BTBD8: variants seen among roughly 807,000 people sequenced by gnomAD.
BTBD8 encodes BTB domain containing 8, also known as BTB/POZ domain-containing protein 8.
In BTBD8, 110 loss-of-function variants were observed where a neutral mutation model predicts 162.9. The ratio of observed to expected loss-of-function variants is 0.68; its 90% CI spans 0.58 to 0.79. BTBD8 has a LOEUF of 0.79. Ranked by LOEUF, BTBD8 falls within the 30% of genes least tolerant of loss-of-function variation. The probability of loss-of-function intolerance (pLI) is 0.00; values close to 1 mark genes in which losing one functional copy is unlikely to be tolerated. For missense variants in BTBD8, 1,905 were observed against 2,085.4 expected (o/e 0.91, Z 1.68); for synonymous variants, 667 against 716.1 (o/e 0.93, Z 1.10).
intron 1 of BTBD8, among the ~76,000 whole-genome samples, chr1:92,087,649 T>C (rs1443769833): frequency 6.6e-6 from 1 of 152,150 alleles, no homozygotes; most frequent in African/African-American, 2.4e-5. Flanking sequence ...AATGATGCAA[T>C]GACAGAAATG....
At chr1:92,090,879 C>G (rs1206648972) in intron 2 of BTBD8, among the ~76,000 whole-genome samples, 1 of 152,168 alleles carries the variant, frequency 6.6e-6, no homozygotes, top group Non-Finnish European at 1.5e-5. Context: ...TTGCAGTGAG[C>G]TGAGATTGTG....
rs936816371 is a variant in BTBD8 at position 92,184,277 on chromosome 1, G to A, written c.5326G>A (p.Asp1776Asn). The A allele has an allele frequency of 4.5e-6, 7 of 1,551,430 alleles. No homozygotes were observed. Among genetic ancestry groups the A allele is most frequent in the Admixed American group, 3.9e-5 (2 of 50,982 alleles). Residue 1776 changes from aspartate (D) to asparagine (N), a missense_variant, in exon 18 of 18, where the codon GAT becomes AAT. Transcript: ENST00000636805. ...CACCATGGCTAGTTTTTCCTCTGAA[G>A]ATTGTTCGCCTCAAGGCGAGTGGAC... is the stretch of plus-strand genomic sequence containing the variant. ...SITMASFSSE[D>N]CSPQGEWTIL...
intron 1 of BTBD8, among the ~76,000 whole-genome samples, chr1:92,085,607 G>A (rs753530200): frequency 2.6e-5 from 4 of 152,140 alleles, no homozygotes; most frequent in African/African-American, 4.8e-5. Flanking sequence ...GTGCACACCT[G>A]TACTCCCAGC....
intron 7 of BTBD8, among the ~76,000 whole-genome samples, chr1:92,145,056 C>A (rs138922176): frequency 0.026 from 3,953 of 152,128 alleles, 75 homozygotes; most frequent in Non-Finnish European, 0.029. Context: ...AGCTGCCTCC[C>A]AGGTTCAAGT....
chr1:92,141,113 A>C lies in BTBD8; in HGVS notation c.834-2A>C. 6.5e-7 allele frequency: 1 copy of C among 1,543,940 alleles called. No individual in the cohort carries two copies. Among genetic ancestry groups the C allele is most frequent in the Non-Finnish European group, 8.7e-7 (1 of 1,148,336 alleles). On this transcript the variant is annotated splice_acceptor_variant, in intron 6 of 17. Transcript: ENST00000636805. LOFTEE classifies it high-confidence loss of function. The stretch of plus-strand genomic sequence containing the variant: ...TTAACAGTGCATCTATTTTTATTTT[A>C]GTCAGATACTCAATATGGCTGATAT...
At chr1:92,126,129 G>A (rs1649352845) in intron 4 of BTBD8, 11 of 493,360 alleles carry the variant, frequency 2.2e-5, no homozygotes, top group Non-Finnish European at 3.6e-5. Context: ...TACGGTAGCT[G>A]ATACATGGGA....
At chr1:92,161,689 G>T (rs1053463749) in intron 9 of BTBD8, among the ~76,000 whole-genome samples, 1 of 152,164 alleles carries the variant, frequency 6.6e-6, no homozygotes, top group Non-Finnish European at 1.5e-5. Context: ...CTTTCAGAAT[G>T]ATGAAAATAA....
chr1:92,081,490 A>G (rs768340943), intron 1 of BTBD8, among the ~76,000 whole-genome samples: 7 of 152,256 alleles, frequency 4.6e-5, no homozygotes, highest in Non-Finnish European at 7.3e-5. Flanking sequence ...CAAGGCCCCA[A>G]GTGATGCTAA....
rs1483297209 is a variant in BTBD8, at chr1:92,182,068, C to G, written c.4385C>G (p.Ser1462Cys). ...GAAGTCCATACTCCCTTTCAGGCTTCTGTAGATTCTTTTTCACCTTCTGAT... is the reference window on the plus strand; with the variant it reads ...GAAGTCCATACTCCCTTTCAGGCTTGTGTAGATTCTTTTTCACCTTCTGAT... ...EGEVHTPFQA[S>C]VDSFSPSDVF... Residue 1462 changes from serine to cysteine, a missense_variant, in exon 17 of 18, where the codon TCT (serine) becomes TGT (cysteine). By Grantham distance (112) the Ser-to-Cys change is moderately radical. This residue lies in a region of BTBD8 where 517 missense variants were observed against 606.6 expected (regional missense o/e 0.85). Coordinates refer to ENST00000636805, the MANE Select transcript of BTBD8 (RefSeq NM_001376131.1). The G allele has an allele frequency of 1.3e-6, 2 of 1,551,436 alleles. No individual in the cohort carries two copies. The highest frequency in any genetic ancestry group is 1.7e-6 in the Non-Finnish European group (2 of 1,146,946).
At chr1:92,082,056 A>C (rs1648033416) in intron 1 of BTBD8, among the ~76,000 whole-genome samples, 1 of 152,216 alleles carries the variant, frequency 6.6e-6, no homozygotes, top group Non-Finnish European at 1.5e-5. Context: ...ATAATACTAA[A>C]GTTGTTAACG....
intron 5 of BTBD8, among the ~76,000 whole-genome samples, chr1:92,135,753 T>C (rs886267878): frequency 6.6e-6 from 1 of 152,208 alleles, no homozygotes; most frequent in Non-Finnish European, 1.5e-5. Flanking sequence ...TATATTGATA[T>C]ATAGGTTCAA....
At chr1:92,151,352 CAAA>C (rs11406119) in intron 9 of BTBD8, among the ~76,000 whole-genome samples, 4 of 127,950 alleles carry the variant, frequency 3.1e-5, no homozygotes, top group Admixed American at 7.9e-5. Flanking sequence ...GAAACTGTCT[CAAA>C]AAAAAAAAAA....
In BTBD8 at chr1:92,141,180, T is replaced by G. The variant is rs754585139; in HGVS notation, c.899T>G (p.Leu300Ter). 1.3e-6 allele frequency: 2 copies of G among 1,585,414 alleles called. No homozygotes were observed. The highest frequency in any genetic ancestry group is 1.7e-6 in the Non-Finnish European group (2 of 1,163,352). The change falls in exon 7 of 18, where the codon TTA becomes TGA. Residue 300 changes from leucine (L) to a stop codon, truncating the protein, a stop_gained. Transcript: ENST00000636805. LOFTEE classifies it high-confidence loss of function. ...EGLKEVAIYI[L>*]RRDYCNFFQK... ...TTAAAAGAAGTAGCAATCTATATTT[T>G]AAGAAGAGATTACTGTAATTTCTTT...
At chr1:92,122,374 T>C (rs1237270942) in intron 4 of BTBD8, among the ~76,000 whole-genome samples, 1 of 151,204 alleles carries the variant, frequency 6.6e-6, no homozygotes, top group African/African-American at 2.4e-5. Flanking sequence ...TTCTCCTGCC[T>C]CAGCCTCCTG....
intron 7 of BTBD8, among the ~76,000 whole-genome samples, chr1:92,142,749 G>A (rs1213445910): frequency 6.6e-6 from 1 of 152,176 alleles, no homozygotes; most frequent in African/African-American, 2.4e-5. Context: ...CACTTGAAGA[G>A]TTCTTATCTA....
Position 92,102,566 on chromosome 1 carries a change from T to C in BTBD8, c.441T>C (p.Leu147=). 2 of 1,597,880 alleles carry C rather than the reference T, an allele frequency of 1.3e-6. No homozygotes were observed. The highest frequency in any genetic ancestry group is 1.7e-6 in the Non-Finnish European group (2 of 1,171,936). The change falls in exon 3 of 18, where the codon CTT becomes CTC. Residue 147 remains leucine (L), a synonymous_variant. Transcript: ENST00000636805. Reference sequence around the variant, plus strand: ...AGATTGGGATATCACAAAAGCAACTTGACATCAGTTTTCCAAAGTGTGAAA... The same window carrying C: ...AGATTGGGATATCACAAAAGCAACTCGACATCAGTTTTCCAAAGTGTGAAA... ...IMEIGISQKQ[L]DISFPKCENS... is the part of the protein sequence containing the mutation.
At chr1:92,091,240 A>C (rs1217073338) in intron 2 of BTBD8, among the ~76,000 whole-genome samples, 1 of 151,862 alleles carries the variant, frequency 6.6e-6, no homozygotes, top group African/African-American at 2.4e-5. Context: ...TGTTCTCTAG[A>C]GCTCTTCCTC....
intron 1 of BTBD8, among the ~76,000 whole-genome samples, chr1:92,083,747 G>A (rs1001059950): frequency 2.6e-5 from 4 of 152,134 alleles, no homozygotes; most frequent in Non-Finnish European, 4.4e-5. Flanking sequence ...TGGAAACAAG[G>A]AGACCAGCTG....
chr1:92,130,462 A>G (rs1471525759), intron 5 of BTBD8, among the ~76,000 whole-genome samples: 1 of 150,938 alleles, frequency 6.6e-6, no homozygotes, highest in Non-Finnish European at 1.5e-5. Flanking sequence ...GCAGTGGGCC[A>G]TGATTATACC....
Sources: gnomAD v4.1 joint callset for allele counts (sites outside exome capture counted in the v4.1 genomes callset) on GRCh38, gnomAD v4.1.1 for gene constraint, gnomAD v4.1.1 regional missense constraint, MANE v1.5 for transcripts, NCBI Gene and HGNC (gene_info 2026-07-23, HGNC 2026-07-21) for gene names.